TNKS: variants seen among roughly 807,000 people sequenced by gnomAD.
The protein encoded by TNKS is poly [ADP-ribose] polymerase tankyrase-1.
In TNKS, 72 loss-of-function variants were observed where a neutral mutation model predicts 135.8. The ratio of observed to expected loss-of-function variants is 0.53; its 90% confidence interval spans 0.44 to 0.64. TNKS has a LOEUF of 0.64. Among genes scored for constraint, TNKS ranks in the 30% least tolerant of loss-of-function variants. The pLI, the probability that TNKS is intolerant of heterozygous loss-of-function variation, is 0.00. For synonymous variants in TNKS, 849 were observed against 649.3 expected, an observed-to-expected ratio of 1.31 and a Z score of -4.68; for missense variants, 1,769 against 1,674.0, an observed-to-expected ratio of 1.06 and a Z score of -0.99.
chr8:9,752,130 T>C (rs1054884264), intron 19 of TNKS, among the ~76,000 whole-genome samples: 2 of 152,216 alleles, frequency 1.3e-5, no homozygotes, highest in African/African-American at 4.8e-5. Flanking sequence ...TGAGAGGTCA[T>C]TTCAGGAATG....
chr8:9,650,844 G>C (rs945248064), intron 3 of TNKS, among the ~76,000 whole-genome samples: 1 of 152,006 alleles, frequency 6.6e-6, no homozygotes. Context: ...ATTTATTTTT[G>C]TTTTAGTTGC....
intron 18 of TNKS, among the ~76,000 whole-genome samples, chr8:9,749,638 C>T (rs963639439): frequency 6.6e-6 from 1 of 151,942 alleles, no homozygotes; most frequent in Non-Finnish European, 1.5e-5. Flanking sequence ...CTATGCCTGG[C>T]TATTTTTTTT....
At chr8:9,579,979 G>A (rs2129053262) in intron 1 of TNKS, among the ~76,000 whole-genome samples, 180 bp from the exon 2 acceptor site, 1 of 152,284 alleles carries the variant, frequency 6.6e-6, no homozygotes, top group East Asian at 1.9e-4. Flanking sequence ...AGCTTCCTTA[G>A]TTCTAAATTC....
intron 11 of TNKS, 106 bp from the exon 12 acceptor site, chr8:9,720,268 A>G (rs1804808983): frequency 9.1e-7 from 1 of 1,094,160 alleles, no homozygotes; most frequent in African/African-American, 1.8e-5. Context: ...AGACTTTTTA[A>G]AAGCTTTGAA....
At chr8:9,592,522 A>G (rs1476779623) in intron 2 of TNKS, among the ~76,000 whole-genome samples, 1 of 152,180 alleles carries the variant, frequency 6.6e-6, no homozygotes, top group Admixed American at 6.5e-5. Flanking sequence ...TGCACTGAGT[A>G]TGTTTACTTT....
At chr8:9,558,075 C>G (rs73531701) in intron 1 of TNKS, 1 of 152,168 alleles carries the variant, frequency 6.6e-6, no homozygotes, top group African/African-American at 2.4e-5. Context: ...TTATTGTAGC[C>G]CATACTTAGA....
intron 14 of TNKS, 66 bp from the exon 15 acceptor site, chr8:9,733,213 T>C: frequency 6.8e-7 from 1 of 1,464,166 alleles, no homozygotes; most frequent in Non-Finnish European, 9.1e-7. Context: ...GTAGGATTTT[T>C]ATTATAAGAA....
At chr8:9,591,500 G>A (rs754202478) in intron 2 of TNKS, among the ~76,000 whole-genome samples, 18 of 152,332 alleles carry the variant, frequency 1.2e-4, no homozygotes, top group South Asian at 2.1e-4. Flanking sequence ...AAGAAGCTGC[G>A]TTGCCCTAAT....
chr8:9,734,497 T>G (rs1320088246), intron 15 of TNKS, among the ~76,000 whole-genome samples: 1 of 152,176 alleles, frequency 6.6e-6, no homozygotes, highest in Non-Finnish European at 1.5e-5. Context: ...TCATACCTAC[T>G]GAGTATCTTT....
chr8:9,778,907 A>G lies in TNKS; in HGVS notation c.*2171A>G, dbSNP rs1395350760. The G allele has an allele frequency of 6.6e-6, 1 of 152,182 alleles. No homozygotes were observed. The highest frequency in any genetic ancestry group is 1.5e-5 in the Non-Finnish European group (1 of 68,036). 9.4% of individuals were successfully genotyped at this position (152,182 alleles called of 1,614,324 possible). On this transcript the variant is annotated 3_prime_UTR_variant, in exon 27 of 27. Coordinates refer to ENST00000310430, the MANE Select transcript of TNKS (RefSeq NM_003747.3). ...TAAACCACTACCTAACTGTGGTTGT[A>G]TGTTGTTTCCATCATACTAACTAGA...
intron 12 of TNKS, among the ~76,000 whole-genome samples, chr8:9,726,265 C>T (rs563287968): frequency 6.6e-6 from 1 of 152,062 alleles, no homozygotes; most frequent in Non-Finnish European, 1.5e-5. Context: ...GTGGTGTACA[C>T]GTGTGGTCTC....
At chr8:9,577,959 A>G (rs549807668) in intron 1 of TNKS, among the ~76,000 whole-genome samples, 1 of 152,330 alleles carries the variant, frequency 6.6e-6, no homozygotes, top group East Asian at 1.9e-4. Flanking sequence ...CAAAAGGGAG[A>G]AATCAACCAA....
At chr8:9,609,839 G>C (rs541903839) in intron 2 of TNKS, among the ~76,000 whole-genome samples, 1 of 152,028 alleles carries the variant, frequency 6.6e-6, no homozygotes, top group Non-Finnish European at 1.5e-5. Context: ...GATAGCACTG[G>C]TTACTTGAAT....
intron 1 of TNKS, among the ~76,000 whole-genome samples, chr8:9,577,114 AT>A (rs397955391): frequency 3.4e-4 from 47 of 138,398 alleles, no homozygotes; most frequent in South Asian, 4.7e-4. Context: ...ATAACAATTC[AT>A]TTTTTTTTTT....
intron 13 of TNKS, among the ~76,000 whole-genome samples, chr8:9,726,922 G>C (rs895772920): frequency 6.6e-6 from 1 of 152,118 alleles, no homozygotes; most frequent in African/African-American, 2.4e-5. Context: ...ATATGTGTGT[G>C]TATGTATATA....
intron 26 of TNKS, among the ~76,000 whole-genome samples, chr8:9,776,007 CAAG>C (rs911433677): frequency 3.3e-5 from 5 of 151,968 alleles, no homozygotes; most frequent in African/African-American, 1.2e-4. Flanking sequence ...CTGCTCCCAC[CAAG>C]AAGAACTCTT....
At chr8:9,776,116 C>T (rs1453927100) in intron 26 of TNKS, among the ~76,000 whole-genome samples, 2 of 152,138 alleles carry the variant, frequency 1.3e-5, no homozygotes, top group African/African-American at 4.8e-5. Context: ...CTTATCTCTC[C>T]TGTAAATGAT....
At chr8:9,656,683 G>A (rs897778668) in intron 3 of TNKS, among the ~76,000 whole-genome samples, 3 of 149,458 alleles carry the variant, frequency 2.0e-5, no homozygotes, top group Non-Finnish European at 4.5e-5. Flanking sequence ...GATTTGGCAG[G>A]GTCATGGGAC....
At chr8:9,575,662 G>C (rs1223347148) in intron 1 of TNKS, among the ~76,000 whole-genome samples, 1 of 152,112 alleles carries the variant, frequency 6.6e-6, no homozygotes, top group African/African-American at 2.4e-5. Context: ...TTAATGTTCA[G>C]AATATGTAAA....
Sources: allele counts gnomAD v4.1 joint callset (sites outside exome capture counted in the v4.1 genomes callset), GRCh38; gene constraint gnomAD v4.1.1; transcripts MANE v1.5; gene names NCBI Gene and HGNC (gene_info 2026-07-23, HGNC 2026-07-21).